The following SLC2A13 variants were observed in gnomAD, a reference collection of about 807,000 sequenced individuals.
The protein encoded by SLC2A13 is proton myo-inositol cotransporter.
Under a neutral mutation model 64.4 loss-of-function variants are expected in SLC2A13, and 32 were observed. The observed-to-expected ratio is 0.50, with a 90% CI of 0.37 to 0.67. SLC2A13 has a LOEUF of 0.67. SLC2A13 is among the 30% of genes least tolerant of loss of function. The pLI, the probability that SLC2A13 is intolerant of heterozygous loss-of-function variation, is 0.00. For synonymous variants in SLC2A13, 338 were observed against 327.1 expected, an observed-to-expected ratio of 1.03 and a Z score of -0.36; for missense variants, 743 against 829.2, an observed-to-expected ratio of 0.90 and a Z score of 1.28.
intron 3 of SLC2A13, among the ~76,000 whole-genome samples, chr12:40,013,373 A>C (rs1045164844): frequency 6.6e-6 from 1 of 152,204 alleles, no homozygotes; most frequent in African/African-American, 2.4e-5. Flanking sequence ...CACTGTTCTC[A>C]CAGCCTTACA....
chr12:39,972,006 A>T (rs1268098761), intron 3 of SLC2A13, among the ~76,000 whole-genome samples: 2 of 30,954 alleles, frequency 6.5e-5, no homozygotes, highest in Admixed American at 9.9e-4. Flanking sequence ...AAATATATAT[A>T]TATATATATT....
intron 6 of SLC2A13, among the ~76,000 whole-genome samples, chr12:39,836,161 T>G (rs1184295706): frequency 6.6e-6 from 1 of 152,066 alleles, no homozygotes; most frequent in Non-Finnish European, 1.5e-5. Flanking sequence ...TTGTAGTAAA[T>G]AAGTGTGCCT....
chr12:39,954,484 A>G (rs1304838252), intron 3 of SLC2A13, among the ~76,000 whole-genome samples: 36 of 152,196 alleles, frequency 2.4e-4, no homozygotes. Context: ...AGAGAAATCA[A>G]TTCCAGGAGC....
rs1426783369 is a variant in SLC2A13 at position 39,755,653 on chromosome 12, ACTT to A, written c.*4370_*4372del. 4 of 152,048 alleles carry A rather than the reference ACTT, an allele frequency of 2.6e-5. No homozygotes were observed. Among genetic ancestry groups the A allele is most frequent in the Admixed American group, 6.6e-5 (1 of 15,202 alleles). The allele number at this position is 152,048 out of a possible 1,614,324, so 9.4% of individuals were successfully genotyped here. A position where few individuals can be genotyped will look rare whatever the true frequency, so the allele number is the denominator to read the frequency against. On this transcript the variant is annotated 3_prime_UTR_variant, in exon 10 of 10. Coordinates refer to ENST00000280871, the MANE Select transcript of SLC2A13 (RefSeq NM_052885.4). ...TGGTTACTCATTAGCTGCATGATCC[ACTT>A]CTTTTTCTCATTTATGCTGACATGA... is the stretch of plus-strand genomic sequence containing the variant.
At chr12:39,952,917 T>C (rs980510922) in intron 3 of SLC2A13, among the ~76,000 whole-genome samples, 2 of 152,018 alleles carry the variant, frequency 1.3e-5, no homozygotes, top group Non-Finnish European at 2.9e-5. Context: ...ACCCACAAAA[T>C]AAGCAAGGCA....
Position 39,760,953 on chromosome 12 carries a change from A to AACACACACACACAC in SLC2A13, c.1721-715_1721-702dup, listed in dbSNP as rs71449492. 8.0e-3 allele frequency among the ~76,000 whole-genome samples: 811 copies of AACACACACACACAC among 101,578 alleles called. 32 individuals are homozygous for AACACACACACACAC. The highest frequency in any genetic ancestry group is 0.028 in the East Asian group (99 of 3,572). 66.6% of individuals were successfully genotyped at this position (101,578 alleles called of 152,430 possible). ...AACATGGTGAAACCTGTCTCTACCAAACACACACACACACACACACATAAT... is the reference window on the plus strand; with the variant it reads ...AACATGGTGAAACCTGTCTCTACCAAACACACACACACACACACACACACACACACACACATAAT... On this transcript the variant is annotated intron_variant, in intron 9 of 9. Coordinates refer to ENST00000280871, the MANE Select transcript of SLC2A13 (RefSeq NM_052885.4).
intron 3 of SLC2A13, among the ~76,000 whole-genome samples, chr12:39,961,077 C>CCT (rs1555143038): frequency 1.5e-5 from 2 of 133,782 alleles, no homozygotes; most frequent in African/African-American, 5.5e-5. Flanking sequence ...ATGTTTTTTT[C>CCT]TTTTTTTTTT....
chr12:39,804,001 G>A (rs1941888841), intron 7 of SLC2A13, among the ~76,000 whole-genome samples: 1 of 151,792 alleles, frequency 6.6e-6, no homozygotes, highest in African/African-American at 2.4e-5. Context: ...ATACAGTACA[G>A]GAAGAAGAAA....
rs536886133 is a variant in SLC2A13, at chr12:39,920,791, C to T, written c.1034+30466G>A. ...AATACGTCCATCTGTGCATAGCATTCCGATGCATGCACATACCCACACACA... is the reference window on the plus strand; with the variant it reads ...AATACGTCCATCTGTGCATAGCATTTCGATGCATGCACATACCCACACACA... On this transcript the variant is annotated intron_variant, in intron 4 of 9. Coordinates refer to ENST00000280871, the MANE Select transcript of SLC2A13 (RefSeq NM_052885.4). Among the ~76,000 whole-genome samples the T allele has an allele frequency of 7.8e-4, 118 of 152,158 alleles. 1 individual carries two copies. The highest frequency in any genetic ancestry group is 2.8e-3 in the African/African-American group (117 of 41,450).
chr12:39,971,854 A>G (rs1381618613), intron 3 of SLC2A13, among the ~76,000 whole-genome samples: 1 of 151,284 alleles, frequency 6.6e-6, no homozygotes, highest in African/African-American at 2.4e-5. Context: ...TTGCGCCTGT[A>G]ATCCCAGCTA....
chr12:39,780,118 G>A (rs967981626), intron 7 of SLC2A13, among the ~76,000 whole-genome samples: 29 of 152,146 alleles, frequency 1.9e-4, no homozygotes, highest in African/African-American at 6.5e-4. Flanking sequence ...GAGACTTACC[G>A]TATACAAAAC....
chr12:40,086,145 T>C (rs1449682356), intron 1 of SLC2A13, among the ~76,000 whole-genome samples: 3 of 152,290 alleles, frequency 2.0e-5, no homozygotes, highest in African/African-American at 7.2e-5. Context: ...CCCTCCCTGC[T>C]GCCTTCTAAG....
chr12:39,795,348 T>G (rs976727500), intron 7 of SLC2A13, among the ~76,000 whole-genome samples: 1 of 152,182 alleles, frequency 6.6e-6, no homozygotes, highest in Admixed American at 6.6e-5. Context: ...TATCATATAT[T>G]TCTTTTCTAG....
intron 3 of SLC2A13, among the ~76,000 whole-genome samples, chr12:40,008,389 T>C (rs189028048): frequency 2.0e-5 from 3 of 152,206 alleles, no homozygotes; most frequent in East Asian, 3.9e-4. Flanking sequence ...AGGCGGATCA[T>C]GAAGTCAACA....
At chr12:39,938,513 ATACATACAT>A (rs1297904874) in intron 4 of SLC2A13, among the ~76,000 whole-genome samples, 1 of 6,710 alleles carries the variant, frequency 1.5e-4, no homozygotes, top group African/African-American at 3.6e-4. Context: ...GCATAAATAC[ATACATACAT>A]TAATGATGTA....
chr12:39,794,509 A>G (rs1162949598), intron 7 of SLC2A13, among the ~76,000 whole-genome samples: 3 of 152,242 alleles, frequency 2.0e-5, no homozygotes, highest in Admixed American at 1.3e-4. Flanking sequence ...CTCTTGTAAC[A>G]AGTAGCCAAG....
intron 4 of SLC2A13, among the ~76,000 whole-genome samples, chr12:39,946,898 T>C (rs565718320): frequency 6.6e-6 from 1 of 152,290 alleles, no homozygotes; most frequent in South Asian, 2.1e-4. Flanking sequence ...TTCAAATTGT[T>C]ACCAAGTTCA....
intron 3 of SLC2A13, among the ~76,000 whole-genome samples, chr12:39,965,175 C>A (rs1173334284): frequency 6.6e-6 from 1 of 152,126 alleles, no homozygotes; most frequent in Non-Finnish European, 1.5e-5. Context: ...AATACCAAAA[C>A]AATCCCTTCA....
chr12:39,834,386 G>C (rs1279708649), intron 6 of SLC2A13, among the ~76,000 whole-genome samples: 1 of 152,004 alleles, frequency 6.6e-6, no homozygotes, highest in African/African-American at 2.4e-5. Flanking sequence ...GAAAACAAGT[G>C]TTCCAAGTCA....
Sources: gnomAD v4.1 joint callset for allele counts (sites outside exome capture counted in the v4.1 genomes callset) on GRCh38, gnomAD v4.1.1 for gene constraint, MANE v1.5 for transcripts, NCBI Gene and HGNC (gene_info 2026-07-23, HGNC 2026-07-21) for gene names.